PI16: variants seen among roughly 807,000 people sequenced by gnomAD.
The protein encoded by PI16 is peptidase inhibitor 16, also known as PSP94-binding protein.
A neutral mutation model predicts 38.0 loss-of-function variants in PI16; 35 were observed. The ratio of observed to expected loss-of-function variants is 0.92; its 90% CI spans 0.70 to 1.22. The LOEUF (loss-of-function observed/expected upper bound fraction) is 1.22, where lower values mean the gene tolerates loss of function less well. Among genes scored for constraint, PI16 ranks in the 50% most tolerant of loss-of-function variants. The probability of loss-of-function intolerance (pLI) is 0.00; values close to 1 mark genes in which losing one functional copy is unlikely to be tolerated. For synonymous variants in PI16, 275 were observed against 252.9 expected (o/e 1.09, Z -0.83); for missense variants, 572 against 593.8 (o/e 0.96, Z 0.38).
In PI16 at chr6:36,963,272, G is replaced by T; in HGVS notation, c.930G>T (p.Ser310=). 1.2e-6 allele frequency: 2 copies of T among 1,614,108 alleles called. No homozygotes were observed. The highest frequency in any genetic ancestry group is 2.2e-5 in the South Asian group (2 of 91,064). The change falls in exon 5 of 7, where the codon TCG becomes TCT. Residue 310 remains serine, a synonymous_variant. Transcript: ENST00000373674. ...AGGAGCCAGTTACCTTCCCCAAATC[G>T]ACCCATGTTCCTATCCCAAAATCAG... ...LDEEPVTFPK[S]THVPIPKSAD...
At chr6:36,963,670 C>T in intron 5 of PI16, 58 bp downstream of exon 5, 1 of 1,579,682 alleles carries the variant, frequency 6.3e-7, no homozygotes, top group Non-Finnish European at 8.6e-7. Context: ...CAGTATCCTG[C>T]CCCAGCATAG....
In PI16 at chr6:36,964,773, G is replaced by C. The variant is rs796610154; in HGVS notation, c.*406G>C. 6.6e-6 allele frequency: 1 copy of C among 152,226 alleles called. No homozygotes were observed. Among genetic ancestry groups the C allele is most frequent in the African/African-American group, 2.4e-5 (1 of 41,422 alleles). 9.4% of individuals were successfully genotyped at this position (152,226 alleles called of 1,614,324 possible). ...GGAGTGGGGTTCTTTGAGTGGGGGAGGCAGGGACGAGGGAAGGAAAGTAAC... is the reference window on the plus strand; with the variant it reads ...GGAGTGGGGTTCTTTGAGTGGGGGACGCAGGGACGAGGGAAGGAAAGTAAC... On this transcript the variant is annotated 3_prime_UTR_variant, in exon 7 of 7. Transcript: ENST00000373674.
upstream of PI16, among the ~76,000 whole-genome samples, chr6:36,950,182 C>A (rs2150732191): frequency 6.6e-6 from 1 of 152,332 alleles, no homozygotes; most frequent in Admixed American, 6.5e-5. The surrounding 1 kb of genome is among the most constrained non-coding windows in gnomAD (Gnocchi z 4.2). Flanking sequence ...CCACTAAACA[C>A]TAACTCCCCA....
chr6:36,954,691 C>G (rs1014165393), upstream of PI16: 6 of 1,534,802 alleles, frequency 3.9e-6, no homozygotes, highest in Non-Finnish European at 4.4e-6. Flanking sequence ...CAGGGTGGTG[C>G]TTGTGTGGGA....
At chr6:36,955,625 T>C (rs1473501836) in intron 1 of PI16, among the ~76,000 whole-genome samples, 2 of 152,180 alleles carry the variant, frequency 1.3e-5, no homozygotes, top group South Asian at 2.1e-4. Flanking sequence ...GATATCATAC[T>C]GAATGGGGGA....
At chr6:36,960,069 CTT>C (rs1763317434) in intron 2 of PI16, among the ~76,000 whole-genome samples, 1 of 152,148 alleles carries the variant, frequency 6.6e-6, no homozygotes, top group Non-Finnish European at 1.5e-5. Context: ...AGTCCCTTAA[CTT>C]CTCTCTGTGG....
In PI16 at chr6:36,954,984, G is replaced by T. The variant is rs927544831; in HGVS notation, c.171+53G>T. 9.5e-6 allele frequency: 15 copies of T among 1,576,652 alleles called. No individual in the cohort carries two copies. In the South Asian group the frequency reaches 1.3e-4, roughly 13 times the overall value. On this transcript the variant is annotated intron_variant, in intron 1 of 6. Coordinates refer to ENST00000373674, the MANE Select transcript of PI16 (RefSeq NM_153370.3). ...TGGGATGGAAGGGGTGCTGGCCAGG[G>T]TCTGTCACCAGGCTCTCTTACCCTG... is the stretch of plus-strand genomic sequence containing the variant.
In PI16 at chr6:36,963,835, C is replaced by T; in HGVS notation, c.1283C>T (p.Pro428Leu). 1 of 1,599,880 alleles carries T rather than the reference C, an allele frequency of 6.3e-7. No homozygotes were observed. Among genetic ancestry groups the T allele is most frequent in the Non-Finnish European group, 8.5e-7 (1 of 1,174,682 alleles). ...TTTCTTCCCACAGGTGCAGAGGGCC[C>T]TGACAAGCCTAGCGTCGTGTCAGGG... ...LQSSLPGAEG[P>L]DKPSVVSGLN... Residue 428 changes from proline (P) to leucine (L), a missense_variant, in exon 6 of 7, where the codon CCT becomes CTT. Physicochemically the swap from Pro to Leu is moderately conservative, Grantham distance 98. Coordinates refer to ENST00000373674, the MANE Select transcript of PI16 (RefSeq NM_153370.3).
chr6:36,959,273 G>C lies in PI16; in HGVS notation c.300G>C (p.Pro100=). 1.9e-6 allele frequency: 3 copies of C among 1,599,890 alleles called. No homozygotes were observed. The highest frequency in any genetic ancestry group is 2.6e-6 in the Non-Finnish European group (3 of 1,173,844). ...TCACAGACGAGGGCATGGACGTGCC[G>C]CTGGCCATGGAGGAGTGGCACCACG... ...FAITDEGMDV[P]LAMEEWHHER... is the part of the protein sequence containing the mutation. Residue 100 remains proline (P), a synonymous_variant, in exon 2 of 7, where the codon CCG becomes CCC. Transcript: ENST00000373674.
chr6:36,956,304 G>A (rs1465907541), intron 1 of PI16, among the ~76,000 whole-genome samples: 2 of 152,200 alleles, frequency 1.3e-5, no homozygotes, highest in African/African-American at 4.8e-5. Flanking sequence ...CTCCCTGATT[G>A]AGGCCTGTGA....
chr6:36,956,319 T>C (rs1763205440), intron 1 of PI16, among the ~76,000 whole-genome samples: 1 of 152,160 alleles, frequency 6.6e-6, no homozygotes, highest in Non-Finnish European at 1.5e-5. Flanking sequence ...CTGTGACTCA[T>C]TGTTGGACTT....
chr6:36,957,361 A>G (rs757424723), intron 1 of PI16, among the ~76,000 whole-genome samples: 8 of 152,166 alleles, frequency 5.3e-5, no homozygotes, highest in Non-Finnish European at 8.8e-5. Context: ...CTCATCTTTT[A>G]ACACTTAGCT....
Position 36,959,240 on chromosome 6 carries a change from G to C in PI16, c.267G>C (p.Leu89=). 1 of 1,609,128 alleles carries C rather than the reference G, an allele frequency of 6.2e-7. No homozygotes were observed. The highest frequency in any genetic ancestry group is 8.5e-7 in the Non-Finnish European group (1 of 1,178,370). The change falls in exon 2 of 7, where the codon CTG becomes CTC. Residue 89 remains leucine (L), a synonymous_variant. Coordinates refer to ENST00000373674, the MANE Select transcript of PI16 (RefSeq NM_153370.3). ...NKERGRRGEN[L]FAITDEGMDV... The stretch of plus-strand genomic sequence containing the variant: ...AGCGCGGGCGCCGCGGCGAGAATCT[G>C]TTCGCCATCACAGACGAGGGCATGG...
chr6:36,963,849 G>A lies in PI16; in HGVS notation c.1297G>A (p.Val433Ile), dbSNP rs779765403. The change falls in exon 6 of 7, where the codon GTC becomes ATC. Residue 433 changes from valine (V) to isoleucine (I), a missense_variant. Val to Ile is a conservative substitution (Grantham distance 29, BLOSUM62 3). Coordinates refer to ENST00000373674, the MANE Select transcript of PI16 (RefSeq NM_153370.3). ...TGCAGAGGGCCCTGACAAGCCTAGC[G>A]TCGTGTCAGGGCTGAACTCGGGCCC... ...PGAEGPDKPS[V>I]VSGLNSGPGH... is the part of the protein sequence containing the mutation. 8.7e-6 allele frequency: 14 copies of A among 1,611,818 alleles called. No homozygotes were observed. The highest frequency in any genetic ancestry group is 4.5e-5 in the East Asian group (2 of 44,884).
At chr6:36,958,731 A>G (rs1583233167) in intron 1 of PI16, among the ~76,000 whole-genome samples, 1 of 151,922 alleles carries the variant, frequency 6.6e-6, no homozygotes, top group Non-Finnish European at 1.5e-5. Context: ...TGAATAAACA[A>G]CCCAGCCCCT....
In PI16 at chr6:36,961,922, G is replaced by A. The variant is rs771741010; in HGVS notation, c.540G>A (p.Gly180=). The change falls in exon 4 of 7, where the codon GGG becomes GGA. Residue 180 remains glycine, a synonymous_variant. Transcript: ENST00000373674. ...AGGGGAAACGGCCCTACCAGGAGGG[G>A]ACTCCGTGCTCCCAATGTCCCTCTG... ...NVKGKRPYQE[G]TPCSQCPSGY... is the part of the protein sequence containing the mutation. 3.7e-6 allele frequency: 6 copies of A among 1,614,058 alleles called. No homozygotes were observed. Among genetic ancestry groups the A allele is most frequent in the South Asian group, 1.1e-5 (1 of 91,090 alleles).
Position 36,963,542 on chromosome 6 carries a change from T to G in PI16, c.1200T>G (p.Asn400Lys), listed in dbSNP as rs756458832. ...TGHTSSKSLP[N>K]FPNTSATANA... ...ACACCTCCTCCAAGTCCCTGCCCAA[T>G]TTCCCCAATACCTCTGCCACCGCTA... The change falls in exon 5 of 7, where the codon AAT becomes AAG. Residue 400 changes from asparagine to lysine, a missense_variant. Coordinates refer to ENST00000373674, the MANE Select transcript of PI16 (RefSeq NM_153370.3). 1.2e-6 allele frequency: 2 copies of G among 1,614,166 alleles called. No homozygotes were observed. Among genetic ancestry groups the G allele is most frequent in the South Asian group, 2.2e-5 (2 of 91,090 alleles).
Position 36,962,870 on chromosome 6 carries a change from C to T in PI16, c.593-65C>T, listed in dbSNP as rs889336530. The T allele has an allele frequency of 7.1e-7, 1 of 1,402,144 alleles. No homozygotes were observed. The allele number at this position is 1,402,144 out of a possible 1,614,324, so 86.9% of individuals were successfully genotyped here. Reference sequence around the variant, plus strand: ...ACATTTGGTCGCGTCACTTGGTTTGCAGTGCCATGAGAGATGTGGGGTCCT... The same window carrying T: ...ACATTTGGTCGCGTCACTTGGTTTGTAGTGCCATGAGAGATGTGGGGTCCT... On this transcript the variant is annotated intron_variant, in intron 4 of 6. Transcript: ENST00000373674. This position sits in a 1 kb window ranked among gnomAD's most constrained non-coding sequence, Gnocchi z 4.1.
intron 2 of PI16, among the ~76,000 whole-genome samples, chr6:36,960,350 T>TGTGTGTGTGC: frequency 6.6e-6 from 1 of 150,464 alleles, no homozygotes; most frequent in Non-Finnish European, 1.5e-5. Flanking sequence ...TGTGTGTGTG[T>TGTGTGTGTGC]GTGTGTGTGT....
Sources: allele counts gnomAD v4.1 joint callset (sites outside exome capture counted in the v4.1 genomes callset), GRCh38; gene constraint gnomAD v4.1.1; non-coding constraint Gnocchi (gnomAD v3.1); transcripts MANE v1.5; gene names NCBI Gene and HGNC (gene_info 2026-07-23, HGNC 2026-07-21).